Variants in CHSY3 observed in about 807,000 individuals in gnomAD.
CHSY3 encodes N-acetylgalactosaminyl-proteoglycan 3-beta-glucuronosyltransferase 3.
A neutral mutation model predicts 67.2 loss-of-function variants in CHSY3; 35 were observed. That is an observed-to-expected ratio of 0.52 (90% CI 0.40 to 0.69). CHSY3 has a LOEUF of 0.69. Among genes scored for constraint, CHSY3 ranks in the 30% least tolerant of loss-of-function variants. The pLI, the probability that CHSY3 is intolerant of heterozygous loss-of-function variation, is 0.00. For synonymous variants in CHSY3, 474 were observed against 434.7 expected, an observed-to-expected ratio of 1.09 and a Z score of -1.12; for missense variants, 1,069 against 1,138.5, an observed-to-expected ratio of 0.94 and a Z score of 0.88.
chr5:129,989,743 T>A (rs909469705), intron 2 of CHSY3, among the ~76,000 whole-genome samples: 1 of 152,236 alleles, frequency 6.6e-6, no homozygotes, highest in African/African-American at 2.4e-5. Flanking sequence ...ATGCCTCAGG[T>A]TATTATTCAT....
chr5:130,174,990 G>A (rs1770002089), intron 2 of CHSY3, among the ~76,000 whole-genome samples: 1 of 152,084 alleles, frequency 6.6e-6, no homozygotes, highest in African/African-American at 2.4e-5. Context: ...ATAGTGGGGT[G>A]TTAAGTCTCC....
At chr5:130,006,076 T>C (rs1381178376) in intron 2 of CHSY3, among the ~76,000 whole-genome samples, 2 of 152,084 alleles carry the variant, frequency 1.3e-5, no homozygotes, top group African/African-American at 4.8e-5. Flanking sequence ...GTCCCAAAAT[T>C]AAATAAGCAT....
chr5:129,928,796 C>T (rs1761202695), intron 2 of CHSY3, among the ~76,000 whole-genome samples: 1 of 151,814 alleles, frequency 6.6e-6, no homozygotes. Context: ...CAATATTGAC[C>T]ACATTTATGT....
intron 2 of CHSY3, among the ~76,000 whole-genome samples, chr5:129,986,668 GGT>G (rs1385354912): frequency 6.6e-6 from 1 of 151,730 alleles, no homozygotes; most frequent in Non-Finnish European, 1.5e-5. Flanking sequence ...ATTGAGACAG[GGT>G]CACACTCTGT....
intron 2 of CHSY3, among the ~76,000 whole-genome samples, chr5:130,183,672 T>C (rs1220639003): frequency 1.3e-5 from 2 of 152,116 alleles, no homozygotes; most frequent in Admixed American, 6.6e-5. Flanking sequence ...ACATTTGTGC[T>C]CTCACTCATA....
chr5:130,081,659 A>G (rs1391871250), intron 2 of CHSY3, among the ~76,000 whole-genome samples: 1 of 151,946 alleles, frequency 6.6e-6, no homozygotes, highest in African/African-American at 2.4e-5. Flanking sequence ...TCATGATAAT[A>G]AGTCTCATGA....
intron 2 of CHSY3, among the ~76,000 whole-genome samples, chr5:129,972,783 A>G (rs981678585): frequency 6.6e-6 from 1 of 152,040 alleles, no homozygotes; most frequent in African/African-American, 2.4e-5. Flanking sequence ...TTTCTTTTCA[A>G]ATATCTAATT....
At chr5:129,930,572 A>T (rs962827570) in intron 2 of CHSY3, among the ~76,000 whole-genome samples, 1 of 151,360 alleles carries the variant, frequency 6.6e-6, no homozygotes, top group Non-Finnish European at 1.5e-5. Flanking sequence ...ATAGAGAAGG[A>T]ATGAAACAAG....
intron 2 of CHSY3, among the ~76,000 whole-genome samples, chr5:130,030,054 T>C (rs925893647): frequency 1.3e-5 from 2 of 152,134 alleles, no homozygotes; most frequent in African/African-American, 4.8e-5. Context: ...GTTTTCTGAT[T>C]TTTAATTTTT....
intron 2 of CHSY3, chr5:130,001,851 A>G (rs1763736163): frequency 2.2e-6 from 2 of 899,414 alleles, no homozygotes; most frequent in Middle Eastern, 5.7e-4. Context: ...CAGAAATTTA[A>G]CCCACTAATA....
intron 2 of CHSY3, among the ~76,000 whole-genome samples, chr5:129,993,088 A>G (rs1763416714): frequency 1.3e-5 from 2 of 152,160 alleles, no homozygotes; most frequent in African/African-American, 4.8e-5. Context: ...TTCTAACTCT[A>G]GAAAACGGGT....
chr5:130,017,109 T>C (rs951340776), intron 2 of CHSY3, among the ~76,000 whole-genome samples: 3 of 152,288 alleles, frequency 2.0e-5, no homozygotes, highest in Non-Finnish European at 4.4e-5. Context: ...TTTATGAAGG[T>C]TCTACTTTTT....
At chr5:130,148,435 G>A (rs747217581) in intron 2 of CHSY3, among the ~76,000 whole-genome samples, 7 of 152,106 alleles carry the variant, frequency 4.6e-5, no homozygotes, top group East Asian at 1.9e-4. Flanking sequence ...TGGGTAGAAC[G>A]GTAGCTCTGC....
At chr5:130,092,780 A>G (rs1766922330) in intron 2 of CHSY3, among the ~76,000 whole-genome samples, 1 of 152,192 alleles carries the variant, frequency 6.6e-6, no homozygotes, top group African/African-American at 2.4e-5. Context: ...TCTCATATCC[A>G]TCTCCCTGAC....
chr5:130,039,265 T>C lies in CHSY3; in HGVS notation c.1086+130905T>C, dbSNP rs545354725. Among the ~76,000 whole-genome samples the C allele has an allele frequency of 4.5e-3, 683 of 152,074 alleles. 9 individuals are homozygous for C. Among genetic ancestry groups the C allele is most frequent in the African/African-American group, 0.016 (669 of 41,518 alleles). On this transcript the variant is annotated intron_variant, in intron 2 of 2. Transcript: ENST00000305031. ...GCTTTGGGAGACCAAGGCACGAGGA[T>C]TGCTTGAATCCAGGATTTTAAGACC...
At chr5:130,170,176 G>A (rs1029455730) in intron 2 of CHSY3, among the ~76,000 whole-genome samples, 8 of 151,796 alleles carry the variant, frequency 5.3e-5, no homozygotes, top group South Asian at 4.2e-4. Flanking sequence ...TATTATTTCC[G>A]TCTTTATATC....
intron 2 of CHSY3, among the ~76,000 whole-genome samples, chr5:129,960,212 G>T (rs1441908504): frequency 1.3e-5 from 2 of 151,980 alleles, no homozygotes; most frequent in Non-Finnish European, 2.9e-5. Flanking sequence ...TCCACAGAAG[G>T]GCTGGTAGAG....
chr5:129,991,726 G>A (rs1763373353), intron 2 of CHSY3, among the ~76,000 whole-genome samples: 1 of 152,146 alleles, frequency 6.6e-6, no homozygotes, highest in Non-Finnish European at 1.5e-5. Flanking sequence ...GGATGAAGAG[G>A]AGTAGGAAAA....
At chr5:130,140,403 GA>G in intron 2 of CHSY3, 1 of 705,476 alleles carries the variant, frequency 1.4e-6, no homozygotes. Flanking sequence ...TGATAAAGAT[GA>G]AGGAAATTGC....
Sources: gnomAD v4.1 joint callset for allele counts (sites outside exome capture counted in the v4.1 genomes callset) on GRCh38, gnomAD v4.1.1 for gene constraint, MANE v1.5 for transcripts, NCBI Gene and HGNC (gene_info 2026-07-23, HGNC 2026-07-21) for gene names.